KPRP: variants seen among roughly 807,000 people sequenced by gnomAD.
The protein encoded by KPRP is keratinocyte proline-rich protein.
For synonymous variants in KPRP, 282 were observed against 276.9 expected (o/e 1.02, Z -0.18); for missense variants, 820 against 746.4 (o/e 1.10, Z -1.15).
chr1:152,760,088 G>A, exon 1 of KPRP: 2 of 1,614,122 alleles, frequency 1.2e-6, no homozygotes, highest in Non-Finnish European at 1.7e-6. Flanking sequence ...ATGTATAGAG[G>A]GCGTCCTGCA....
chr1:152,758,439 A>T (rs544875881), upstream of KPRP, among the ~76,000 whole-genome samples: 4 of 152,298 alleles, frequency 2.6e-5, no homozygotes, highest in African/African-American at 9.6e-5. Flanking sequence ...TGAAAATAGA[A>T]GGTTTGAACC....
In KPRP at chr1:152,761,122, G is replaced by A. The variant is rs781628909; in HGVS notation, c.1534G>A (p.Asp512Asn). ...CCCAAATCCAGTTCCATACCCAGGAGACCTAGGCTGTCATGAGTCTAGTCC... is the reference window on the plus strand; with the variant it reads ...CCCAAATCCAGTTCCATACCCAGGAAACCTAGGCTGTCATGAGTCTAGTCC... Residue 512 changes from aspartate (D) to asparagine (N), a missense_variant, in exon 1 of 1, where the codon GAC (aspartate) becomes AAC (asparagine). Physicochemically the swap from Asp to Asn is conservative, Grantham distance 23. Coordinates refer to ENST00000606109, the Ensembl canonical transcript of KPRP. The A allele has an allele frequency of 6.2e-7, 1 of 1,614,014 alleles. No homozygotes were observed. The highest frequency in any genetic ancestry group is 8.5e-7 in the Non-Finnish European group (1 of 1,180,042).
upstream of KPRP, among the ~76,000 whole-genome samples, chr1:152,758,946 T>C (rs2101560788): frequency 6.6e-6 from 1 of 152,394 alleles, no homozygotes; most frequent in Admixed American, 6.5e-5. Context: ...TGTGTCATGT[T>C]TAAATGAATT....
upstream of KPRP, among the ~76,000 whole-genome samples, chr1:152,758,586 G>T (rs1252443126): frequency 1.3e-5 from 2 of 152,158 alleles, no homozygotes; most frequent in African/African-American, 4.8e-5. Flanking sequence ...GAGTGAGGCT[G>T]CCCTGTGCTC....
chr1:152,760,478 C>T (rs1481946298), exon 1 of KPRP: 3 of 1,613,274 alleles, frequency 1.9e-6, no homozygotes, highest in Non-Finnish European at 2.5e-6. Flanking sequence ...TACTGCACCC[C>T]ACCCCGCCGC....
At chr1:152,761,297 T>G in exon 1 of KPRP, 1 of 1,613,052 alleles carries the variant, frequency 6.2e-7, no homozygotes, top group Non-Finnish European at 8.5e-7. Flanking sequence ...TTTGCTGGAG[T>G]GAAAGGGGAA....
chr1:152,760,287 G>A (rs1375295718), exon 1 of KPRP: 1 of 1,614,108 alleles, frequency 6.2e-7, no homozygotes, highest in Non-Finnish European at 8.5e-7. Context: ...GTGTGCCCCA[G>A]TGCCAGACCC....
At position 152,759,820 on chromosome 1, in the gene KPRP, AC is replaced by A; in HGVS notation, c.234del (p.Lys79SerfsTer3). 6.2e-7 allele frequency: 1 copy of A among 1,613,944 alleles called. No homozygotes were observed. Among genetic ancestry groups the A allele is most frequent in the South Asian group, 1.1e-5 (1 of 91,056 alleles). Reference sequence around the variant, plus strand: ...CACACAGGTGAAGTGCCAGTCTAAGACCAAGCAGGTGAAGGGCCAGGCTCAA... The same window carrying A: ...CACACAGGTGAAGTGCCAGTCTAAGACAAGCAGGTGAAGGGCCAGGCTCAA... On this transcript the variant is annotated frameshift_variant, in exon 1 of 1. Coordinates refer to ENST00000606109, the Ensembl canonical transcript of KPRP. LOFTEE classifies it low-confidence loss of function (END_TRUNC).
exon 1 of KPRP, chr1:152,760,148 C>A (rs1367851722): frequency 1.5e-5 from 24 of 1,614,030 alleles, no homozygotes; most frequent in African/African-American, 2.7e-5. Context: ...TATCAAGGCT[C>A]CTATAGCAGT....
At chr1:152,760,293 G>C in exon 1 of KPRP, 2 of 1,614,132 alleles carry the variant, frequency 1.2e-6, no homozygotes, top group Non-Finnish European at 1.7e-6. Flanking sequence ...CCCAGTGCCA[G>C]ACCCAGGGCT....
rs775346132 is a variant in KPRP, at chr1:152,760,399, C to T, written c.811C>T (p.Pro271Ser). Reference sequence around the variant, plus strand: ...GCAGCTTTTCCCCCGCAGCTGTTCCCCACCAAGACGTTTTGAGCCCTGCTC... The same window carrying T: ...GCAGCTTTTCCCCCGCAGCTGTTCCTCACCAAGACGTTTTGAGCCCTGCTC... Residue 271 changes from proline (P) to serine (S), a missense_variant, in exon 1 of 1, where the codon CCA becomes TCA. Coordinates refer to ENST00000606109, the Ensembl canonical transcript of KPRP. 9.3e-6 allele frequency: 15 copies of T among 1,614,022 alleles called. No individual in the cohort carries two copies. The Admixed American group carries it at 2.2e-4, about 23-fold the overall frequency.
chr1:152,761,529 C>G, exon 1 of KPRP: 1 of 983,466 alleles, frequency 1.0e-6, no homozygotes, highest in Non-Finnish European at 1.5e-6. Context: ...TCACGTGTCA[C>G]TCCTCGCCCG....
exon 1 of KPRP, chr1:152,760,449 C>T: frequency 6.2e-7 from 1 of 1,613,944 alleles, no homozygotes; most frequent in Non-Finnish European, 8.5e-7. Context: ...CACTAAGACC[C>T]TCTGAAGGTT....
upstream of KPRP, among the ~76,000 whole-genome samples, chr1:152,758,646 T>A (rs867539311): frequency 4.6e-5 from 7 of 152,190 alleles, no homozygotes; most frequent in South Asian, 2.1e-4. Flanking sequence ...CCTCACGTTA[T>A]GTTTGCAATG....
At position 152,759,731 on chromosome 1, in the gene KPRP, GC is replaced by G; in HGVS notation, c.146del (p.Pro49LeufsTer24). ...CCTTGTGAGATGCAAATTGTGGACT[GC>G]CCTGCATCATGCCCAGTTCAAGTTT... is the stretch of plus-strand genomic sequence containing the variant. On this transcript the variant is annotated frameshift_variant, in exon 1 of 1. Coordinates refer to ENST00000606109, the Ensembl canonical transcript of KPRP. LOFTEE classifies it low-confidence loss of function (END_TRUNC). The G allele has an allele frequency of 1.9e-6, 3 of 1,614,164 alleles. No homozygotes were observed. The highest frequency in any genetic ancestry group is 2.5e-6 in the Non-Finnish European group (3 of 1,180,028).
chr1:152,760,521 C>T, exon 1 of KPRP: 1 of 1,612,418 alleles, frequency 6.2e-7, no homozygotes. Context: ...GCTGTCCTCG[C>T]CGCCCCATTT....
exon 1 of KPRP, chr1:152,760,689 C>T (rs1391143950): frequency 2.5e-6 from 4 of 1,613,324 alleles, no homozygotes; most frequent in South Asian, 2.2e-5. Context: ...GCGCCTCCTG[C>T]CCTGAGCTGA....
At chr1:152,760,643 G>A (rs772906257) in exon 1 of KPRP, 5 of 1,610,616 alleles carry the variant, frequency 3.1e-6, no homozygotes, top group South Asian at 2.2e-5. Flanking sequence ...CCCATCAGAC[G>A]CCGCTCCCAG....
chr1:152,760,695 G>C (rs1651093185), exon 1 of KPRP: 1 of 1,613,398 alleles, frequency 6.2e-7, no homozygotes, highest in Non-Finnish European at 8.5e-7. Flanking sequence ...CCTGCCCTGA[G>C]CTGAGGCCAC....
Sources: gnomAD v4.1 joint callset for allele counts (sites outside exome capture counted in the v4.1 genomes callset) on GRCh38, gnomAD v4.1.1 for gene constraint, MANE v1.5 for transcripts, NCBI Gene and HGNC (gene_info 2026-07-23, HGNC 2026-07-21) for gene names.